MFHAS1: variants seen among roughly 807,000 people sequenced by gnomAD.
The protein encoded by MFHAS1 is multifunctional ROCO family signaling regulator 1.
A neutral mutation model predicts 70.4 loss-of-function variants in MFHAS1; 50 were observed. The ratio of observed to expected loss-of-function variants is 0.71; its 90% confidence interval spans 0.57 to 0.90. The LOEUF (loss-of-function observed/expected upper bound fraction) is 0.90, where lower values mean the gene tolerates loss of function less well. Among genes scored for constraint, MFHAS1 ranks in the 40% least tolerant of loss-of-function variants. The pLI is 0.00. For synonymous variants in MFHAS1, 952 were observed against 620.0 expected (o/e 1.54, Z -7.96); for missense variants, 1,795 against 1,347.6 (o/e 1.33, Z -5.20).
intron 1 of MFHAS1, among the ~76,000 whole-genome samples, chr8:8,855,743 C>G (rs1277263658): frequency 2.0e-5 from 3 of 152,120 alleles, no homozygotes; most frequent in Non-Finnish European, 2.9e-5. Context: ...GTAATCCCAG[C>G]TACTTGGGAG....
intron 1 of MFHAS1, among the ~76,000 whole-genome samples, chr8:8,887,102 G>A (rs561664924): frequency 3.7e-4 from 57 of 152,220 alleles, no homozygotes; most frequent in African/African-American, 1.4e-3. Flanking sequence ...ACTCCAGCCT[G>A]GGCAACAGAG....
In MFHAS1 at chr8:8,839,089, A is replaced by G. The variant is rs553423483; in HGVS notation, c.2999-41598T>C. Among the ~76,000 whole-genome samples the G allele has an allele frequency of 2.2e-4, 34 of 152,300 alleles. No homozygotes were observed. In the South Asian group the frequency reaches 7.0e-3, roughly 32 times the overall value. On this transcript the variant is annotated intron_variant, in intron 1 of 2. Transcript: ENST00000276282. ...CTAGACCACTAAAATTTATGAGAACAATAAACCCATTTCCTGCAGGAACTA... is the reference window on the plus strand; with the variant it reads ...CTAGACCACTAAAATTTATGAGAACGATAAACCCATTTCCTGCAGGAACTA...
chr8:8,790,689 C>T (rs1311500050), intron 2 of MFHAS1, among the ~76,000 whole-genome samples: 1 of 152,170 alleles, frequency 6.6e-6, no homozygotes, highest in Non-Finnish European at 1.5e-5. Context: ...GAAAAATTCT[C>T]CATTGTGATG....
chr8:8,880,361 T>G (rs1041323742), intron 1 of MFHAS1, among the ~76,000 whole-genome samples: 2 of 152,102 alleles, frequency 1.3e-5, no homozygotes, highest in Non-Finnish European at 2.9e-5. Flanking sequence ...ATGTACTAAA[T>G]GACAGGGAAT....
intron 1 of MFHAS1, among the ~76,000 whole-genome samples, chr8:8,818,272 GCACAC>G (rs1228174551): frequency 6.6e-6 from 1 of 152,100 alleles, no homozygotes; most frequent in African/African-American, 2.4e-5. Flanking sequence ...AATTTTCTCT[GCACAC>G]CCTACAACCT....
intron 1 of MFHAS1, among the ~76,000 whole-genome samples, chr8:8,823,587 A>C (rs986285479): frequency 3.3e-5 from 5 of 151,954 alleles, no homozygotes; most frequent in Non-Finnish European, 5.9e-5. Context: ...TCTAGGCTTC[A>C]TAAAACTCCT....
chr8:8,796,700 AAAAGGC>A, intron 2 of MFHAS1, among the ~76,000 whole-genome samples: 1 of 133,768 alleles, frequency 7.5e-6, no homozygotes, highest in African/African-American at 2.8e-5. Context: ...AAAAAAAAAA[AAAAGGC>A]AAAAAAAGGC....
chr8:8,864,240 C>A (rs945119337), intron 1 of MFHAS1, among the ~76,000 whole-genome samples: 6 of 152,154 alleles, frequency 3.9e-5, no homozygotes, highest in African/African-American at 1.4e-4. Flanking sequence ...AACATAAACA[C>A]AGAAGGGTAA....
chr8:8,796,888 CG>C (rs1221643352), intron 2 of MFHAS1, among the ~76,000 whole-genome samples: 5 of 150,518 alleles, frequency 3.3e-5, no homozygotes, highest in African/African-American at 7.3e-5. Context: ...CCCAGCTACT[CG>C]GGAGGCTGAG....
intron 1 of MFHAS1, among the ~76,000 whole-genome samples, chr8:8,885,104 C>A (rs1292845037): frequency 3.3e-5 from 5 of 152,130 alleles, no homozygotes; most frequent in Non-Finnish European, 7.3e-5. Context: ...TATCATGACG[C>A]AACCAAACAC....
At chr8:8,846,171 C>T (rs6996376) in intron 1 of MFHAS1, among the ~76,000 whole-genome samples, 101,107 of 148,930 alleles carry the variant, frequency 0.68, 34,547 homozygotes, top group East Asian at 0.85. Flanking sequence ...GAGAATCGCT[C>T]GAACCTGGGA....
rs576892747 is a variant in MFHAS1, at chr8:8,891,637, G to A, written c.1422C>T (p.Ile474=). The part of the protein sequence containing the change: ...TADASRGLRF[I]VYDLAGDESY... ...TTTCATCCCCAGCTAAGTCATACACGATGAACCGCAGGCCCCGGGAGGCAT... is the reference window on the plus strand; with the variant it reads ...TTTCATCCCCAGCTAAGTCATACACAATGAACCGCAGGCCCCGGGAGGCAT... The change falls in exon 1 of 3, where the codon ATC becomes ATT. Residue 474 remains isoleucine (I), a synonymous_variant. Coordinates refer to ENST00000276282, the MANE Select transcript of MFHAS1 (RefSeq NM_004225.3). The surrounding 1 kb of genome is among the most constrained non-coding windows in gnomAD (Gnocchi z 5.4). 1.2e-6 allele frequency: 2 copies of A among 1,613,520 alleles called. No homozygotes were observed. Among genetic ancestry groups the A allele is most frequent in the Non-Finnish European group, 1.7e-6 (2 of 1,180,024 alleles).
chr8:8,824,698 C>T (rs1807091831), intron 1 of MFHAS1, among the ~76,000 whole-genome samples: 1 of 152,132 alleles, frequency 6.6e-6, no homozygotes, highest in Admixed American at 6.5e-5. Context: ...AAAAGATAAA[C>T]CATTTGTAGT....
intron 1 of MFHAS1, among the ~76,000 whole-genome samples, chr8:8,874,809 A>C (rs913726822): frequency 1.3e-5 from 2 of 152,072 alleles, no homozygotes; most frequent in Non-Finnish European, 2.9e-5. Flanking sequence ...TAAAGCAAAG[A>C]GGGGAACAAG....
intron 1 of MFHAS1, among the ~76,000 whole-genome samples, chr8:8,880,388 G>A (rs747663819): frequency 6.6e-6 from 1 of 152,128 alleles, no homozygotes; most frequent in East Asian, 1.9e-4. Context: ...CTTTAAAATG[G>A]CTTTTTCATA....
chr8:8,857,437 G>C (rs1808485445), intron 1 of MFHAS1, among the ~76,000 whole-genome samples: 1 of 151,866 alleles, frequency 6.6e-6, no homozygotes, highest in Admixed American at 6.6e-5. Flanking sequence ...CCTCCATTCA[G>C]CCACTGAAAT....
chr8:8,877,112 C>A (rs1220238495), intron 1 of MFHAS1, among the ~76,000 whole-genome samples: 5 of 151,738 alleles, frequency 3.3e-5, no homozygotes, highest in African/African-American at 7.3e-5. Flanking sequence ...CCAGCCCAGG[C>A]AACGTGGCAA....
intron 1 of MFHAS1, among the ~76,000 whole-genome samples, chr8:8,875,329 G>C (rs1038011685): frequency 1.3e-5 from 2 of 151,944 alleles, no homozygotes; most frequent in Non-Finnish European, 2.9e-5. Context: ...AAGAACACAA[G>C]GTTAAATAAA....
chr8:8,880,742 C>T (rs1206129781), intron 1 of MFHAS1, among the ~76,000 whole-genome samples: 15 of 150,664 alleles, frequency 1.0e-4, no homozygotes, highest in African/African-American at 2.2e-4. Context: ...TGGAGTATAG[C>T]GGCGCAATCT....
Sources: allele counts gnomAD v4.1 joint callset (sites outside exome capture counted in the v4.1 genomes callset), GRCh38; gene constraint gnomAD v4.1.1; non-coding constraint Gnocchi (gnomAD v3.1); transcripts MANE v1.5; gene names NCBI Gene and HGNC (gene_info 2026-07-23, HGNC 2026-07-21).